Variants in SYNE1 observed in about 807,000 individuals in gnomAD.
SYNE1 encodes spectrin repeat containing nuclear envelope protein 1.
A neutral mutation model predicts 1,111.0 loss-of-function variants in SYNE1; 616 were observed. The observed-to-expected ratio is 0.55, with a 90% confidence interval of 0.52 to 0.59. SYNE1 has a LOEUF of 0.59. Among genes scored for constraint, SYNE1 ranks in the 20% least tolerant of loss-of-function variants. The pLI, the probability that SYNE1 is intolerant of heterozygous loss-of-function variation, is 0.00. For missense variants in SYNE1, 10,006 were observed against 10,417.0 expected (o/e 0.96, Z 1.72); for synonymous variants, 3,855 against 3,825.8 (o/e 1.01, Z -0.28).
At chr6:152,583,138 G>A (rs1391192259) in intron 3 of SYNE1, among the ~76,000 whole-genome samples, 1 of 152,124 alleles carries the variant, frequency 6.6e-6, no homozygotes, top group Non-Finnish European at 1.5e-5. Flanking sequence ...TTGCACCAAA[G>A]GGAATACATT....
Position 152,427,753 on chromosome 6 carries a change from G to A in SYNE1, c.5040C>T (p.Ser1680=), listed in dbSNP as rs1380180600. Residue 1680 remains serine (S), a synonymous_variant, in exon 38 of 146, where the codon TCC becomes TCT. Coordinates refer to ENST00000367255, the MANE Select transcript of SYNE1 (RefSeq NM_182961.4). ...TGTCTGCAGAAATGTCCATTTCTGG[G>A]GAACTGGCTTTAGCTTCACCCCGCT... ...WLERGEAKAS[S]PEMDISADRV... 8 of 1,613,890 alleles carry A rather than the reference G, an allele frequency of 5.0e-6. No individual in the cohort carries two copies. The Admixed American group carries it at 1.2e-4, about 24-fold the overall frequency.
chr6:152,294,052 C>T lies in SYNE1; in HGVS notation c.17758G>A (p.Ala5920Thr), dbSNP rs765300968. Residue 5920 changes from alanine (A) to threonine (T), a missense_variant, in exon 94 of 146, where the codon GCA (alanine) becomes ACA (threonine). By Grantham distance (58) the Ala-to-Thr change is moderately conservative (BLOSUM62 0). Around this residue, in one of 7 missense-constraint regions of SYNE1, gnomAD observed 4,955 missense variants for 5,017.2 expected, o/e 0.99. Transcript: ENST00000367255. ...DAAKIHPSTS[A>T]SQEFYEPGLE... ...CCCGGTTCATAGAACTCCTGGGATG[C>T]GGATGTGCTGGGGTGAATTTTTGCA... is the stretch of plus-strand genomic sequence containing the variant. The T allele has an allele frequency of 7.4e-6, 12 of 1,613,860 alleles. No homozygotes were observed. The highest frequency in any genetic ancestry group is 6.7e-5 in the African/African-American group (5 of 74,900).
intron 21 of SYNE1, among the ~76,000 whole-genome samples, chr6:152,461,243 C>G (rs144514399): frequency 8.9e-4 from 135 of 152,136 alleles, no homozygotes; most frequent in African/African-American, 3.1e-3. Context: ...AAATCTTAAC[C>G]AATTCTCATT....
intron 115 of SYNE1, among the ~76,000 whole-genome samples, chr6:152,226,507 T>G (rs1182676258): frequency 6.6e-6 from 1 of 152,228 alleles, no homozygotes; most frequent in African/African-American, 2.4e-5. Flanking sequence ...AATCAAATCC[T>G]CATTTTATTT....
At chr6:152,309,800 C>T in intron 90 of SYNE1, 35 bp downstream of exon 90, 1 of 1,611,668 alleles carries the variant, frequency 6.2e-7, no homozygotes, top group Non-Finnish European at 8.5e-7. Context: ...GATTCATCAG[C>T]AATTGCTCTA....
At chr6:152,460,552 T>A (rs1339396632) in intron 21 of SYNE1, among the ~76,000 whole-genome samples, 4 of 152,138 alleles carry the variant, frequency 2.6e-5, no homozygotes, top group Non-Finnish European at 4.4e-5. Flanking sequence ...TTTCCCATTC[T>A]TCATTTTAAA....
chr6:152,344,370 T>C, intron 73 of SYNE1, 143 bp from the exon 74 acceptor site: 1 of 1,303,574 alleles, frequency 7.7e-7, no homozygotes, highest in Admixed American at 1.9e-5. Flanking sequence ...TCTAAGGCAG[T>C]TGTATGTCTC....
In SYNE1 at chr6:152,364,849, T is replaced by C. The variant is rs759015550; in HGVS notation, c.10143A>G (p.Lys3381=). The change falls in exon 63 of 146, where the codon AAA becomes AAG. Residue 3381 remains lysine, a splice_region_variant and synonymous_variant. Transcript: ENST00000367255. ...TGCTTGGCTGTAGTTTCCCTCACCT[T>C]TTACAACGAATCCCTGCAGACAAAA... is the stretch of plus-strand genomic sequence containing the variant. ...ASLLSAGIRC[K]SQLEGALSKW... 42 of 1,614,024 alleles carry C rather than the reference T, an allele frequency of 2.6e-5. No homozygotes were observed. The South Asian group carries it at 4.4e-4, about 17-fold the overall frequency.
intron 14 of SYNE1, among the ~76,000 whole-genome samples, chr6:152,480,034 T>A (rs987459742): frequency 1.3e-5 from 2 of 152,176 alleles, no homozygotes; most frequent in African/African-American, 4.8e-5. Context: ...AAAACCAGAA[T>A]TACTTTTTAG....
In SYNE1 at chr6:152,339,233, T is replaced by C; in HGVS notation, c.12351+8A>G. 1.9e-6 allele frequency: 3 copies of C among 1,613,278 alleles called. No individual in the cohort carries two copies. Among genetic ancestry groups the C allele is most frequent in the Non-Finnish European group, 2.5e-6 (3 of 1,179,414 alleles). On this transcript the variant is annotated splice_region_variant and intron_variant, in intron 75 of 145. Transcript: ENST00000367255. The stretch of plus-strand genomic sequence containing the variant: ...AAACAAATTCAATGTGATTTTTCAT[T>C]TTCTTACCGTTTGCTCTGTTTGTTG...
In SYNE1 at chr6:152,387,164, C is replaced by T; in HGVS notation, c.8395G>A (p.Glu2799Lys). 6.2e-7 allele frequency: 1 copy of T among 1,614,166 alleles called. No homozygotes were observed. Among genetic ancestry groups the T allele is most frequent in the South Asian group, 1.1e-5 (1 of 91,076 alleles). The stretch of plus-strand genomic sequence containing the variant: ...TCATCCTCTGTCTTTTCGTAGAGCT[C>T]CCTGGACTTCGCAATTAGACGGTGA... ...ALHRLIAKSR[E>K]LYEKTEDESF... Residue 2799 changes from glutamate (E) to lysine (K), a missense_variant, in exon 54 of 146, where the codon GAG (glutamate) becomes AAG (lysine). Transcript: ENST00000367255.
intron 3 of SYNE1, among the ~76,000 whole-genome samples, chr6:152,542,930 G>A (rs1279827390): frequency 2.6e-5 from 4 of 151,992 alleles, no homozygotes; most frequent in African/African-American, 4.8e-5. Flanking sequence ...CACTCAACTT[G>A]AGATTATACA....
intron 25 of SYNE1, among the ~76,000 whole-genome samples, chr6:152,453,132 T>G (rs1383971357): frequency 1.3e-5 from 2 of 152,248 alleles, no homozygotes; most frequent in Admixed American, 1.3e-4. Context: ...TTGTTCATCA[T>G]TGAATTCTTG....
chr6:152,367,180 T>G (rs1226640868), intron 62 of SYNE1, 38 bp downstream of exon 62: 1 of 1,613,828 alleles, frequency 6.2e-7, no homozygotes, highest in African/African-American at 1.3e-5. Context: ...AAAAACAAAT[T>G]CTGTAGGTTG....
chr6:152,232,437 A>G (rs1174064590), intron 112 of SYNE1, among the ~76,000 whole-genome samples, 172 bp from the exon 113 acceptor site: 2 of 152,226 alleles, frequency 1.3e-5, no homozygotes, highest in Non-Finnish European at 2.9e-5. Context: ...CATCAGGCAA[A>G]TGTTGAGGAA....
In SYNE1 at chr6:152,381,090, A is replaced by C. The variant is rs1251843280; in HGVS notation, c.8925T>G (p.Leu2975=). 1 of 1,614,188 alleles carries C rather than the reference A, an allele frequency of 6.2e-7. No homozygotes were observed. Among genetic ancestry groups the C allele is most frequent in the East Asian group, 2.2e-5 (1 of 44,878 alleles). Residue 2975 remains leucine, a synonymous_variant, in exon 56 of 146, where the codon CTT becomes CTG. Coordinates refer to ENST00000367255, the MANE Select transcript of SYNE1 (RefSeq NM_182961.4). ...LEQALEQFSA[L]LKTWAQQLTL... is the part of the protein sequence containing the mutation. ...TTAACTGCTGAGCCCAGGTTTTCAG[A>C]AGGGCACTGAACTGTTCCAGGGCCT...
At chr6:152,619,046 TCACACACACA>T (rs56677340) in intron 3 of SYNE1, among the ~76,000 whole-genome samples, 1 of 135,682 alleles carries the variant, frequency 7.4e-6, no homozygotes, top group East Asian at 2.3e-4. Context: ...GGTGTGAGAA[TCACACACACA>T]CACACACACA....
intron 100 of SYNE1, among the ~76,000 whole-genome samples, chr6:152,264,206 CAAAAAAAAAAAAA>C (rs56714685): frequency 2.4e-3 from 112 of 45,908 alleles, no homozygotes; most frequent in Non-Finnish European, 3.8e-3. Flanking sequence ...GACTCCATCT[CAAAAAAAAAAAAA>C]AAAAAAAAAA....
chr6:152,580,709 A>C (rs1480793737), intron 3 of SYNE1, among the ~76,000 whole-genome samples: 1 of 152,112 alleles, frequency 6.6e-6, no homozygotes, highest in Non-Finnish European at 1.5e-5. Flanking sequence ...GAAGGGGTCT[A>C]GTGTCACTCT....
Sources: gnomAD v4.1 joint callset for allele counts (sites outside exome capture counted in the v4.1 genomes callset) on GRCh38, gnomAD v4.1.1 for gene constraint, gnomAD v4.1.1 regional missense constraint, MANE v1.5 for transcripts, NCBI Gene and HGNC (gene_info 2026-07-23, HGNC 2026-07-21) for gene names.